ARHGDIB: variants seen among roughly 807,000 people sequenced by gnomAD.
ARHGDIB encodes the protein rho GDP-dissociation inhibitor 2.
In ARHGDIB, 20 loss-of-function variants were observed where a neutral mutation model predicts 22.6. That is an observed-to-expected ratio of 0.88 (90% CI 0.62 to 1.28). The LOEUF (loss-of-function observed/expected upper bound fraction) is 1.28. ARHGDIB is among the 50% of genes most tolerant of loss of function. The pLI is 0.00. For missense variants in ARHGDIB, 254 were observed against 245.4 expected, an observed-to-expected ratio of 1.04 and a Z score of -0.23; for synonymous variants, 114 against 96.1, an observed-to-expected ratio of 1.19 and a Z score of -1.09.
At chr12:14,948,100 G>GCA (rs56206040) in intron 3 of ARHGDIB, 151 bp from the exon 4 acceptor site, 23,844 of 434,660 alleles carry the variant, frequency 0.055, 730 homozygotes, top group African/African-American at 0.14. Flanking sequence ...TTTAGTCCTT[G>GCA]CACACACACA....
chr12:14,958,973 T>G (rs1326540585), intron 1 of ARHGDIB, among the ~76,000 whole-genome samples: 1 of 152,114 alleles, frequency 6.6e-6, no homozygotes, highest in Non-Finnish European at 1.5e-5. Context: ...GAATAAGAAC[T>G]CTCAAAATAT....
Position 14,942,460 on chromosome 12 carries a change from G to C in ARHGDIB, c.*62C>G. 1 of 1,569,416 alleles carries C rather than the reference G, an allele frequency of 6.4e-7. No individual in the cohort carries two copies. ...GCTGTGGACAGGGAGGAGGGACAGG[G>C]TGCTGAACACGCCTGAGAGAATTCT... On this transcript the variant is annotated 3_prime_UTR_variant, in exon 6 of 6. Transcript: ENST00000228945.
At position 14,950,695 on chromosome 12, in the gene ARHGDIB, T is replaced by G; in HGVS notation, c.18A>C (p.Pro6=). The G allele has an allele frequency of 6.2e-7, 1 of 1,609,002 alleles. No homozygotes were observed. The highest frequency in any genetic ancestry group is 8.5e-7 in the Non-Finnish European group (1 of 1,178,362). The change falls in exon 2 of 6, where the codon CCA becomes CCC. Residue 6 remains proline, a synonymous_variant. Transcript: ENST00000228945. MTEKA[P]EPHVEEDDDD... ...CGTCATCCTCCTCCACATGTGGCTC[T>G]GGGGCTTTTTCAGTCATTCTGATCT...
At chr12:14,954,510 A>G (rs887381501) in intron 1 of ARHGDIB, among the ~76,000 whole-genome samples, 1 of 152,206 alleles carries the variant, frequency 6.6e-6, no homozygotes, top group African/African-American at 2.4e-5. Flanking sequence ...TGCTCTCTTC[A>G]TTGAACTAGG....
rs543263653 is a variant in ARHGDIB at position 14,959,559 on chromosome 12, A to G, written c.-13+1978T>C. 4.6e-5 allele frequency among the ~76,000 whole-genome samples: 7 copies of G among 152,318 alleles called. No individual in the cohort carries two copies. In the South Asian group the frequency reaches 1.4e-3, roughly 32 times the overall value. Reference sequence around the variant, plus strand: ...ATGTTGGTTCTCCTTTTCTATCTGCATAATTTCGACTCCCCAGGGCTTCTC... The same window carrying G: ...ATGTTGGTTCTCCTTTTCTATCTGCGTAATTTCGACTCCCCAGGGCTTCTC... On this transcript the variant is annotated intron_variant, in intron 1 of 5. Transcript: ENST00000228945.
At chr12:14,950,468 C>T in intron 2 of ARHGDIB, 64 bp downstream of exon 2, 3 of 1,469,778 alleles carry the variant, frequency 2.0e-6, no homozygotes, top group South Asian at 1.3e-5. Flanking sequence ...TGCTCCTGAG[C>T]AGCCAAAATG....
At chr12:14,951,128 G>A (rs1406968219) in intron 1 of ARHGDIB, 3 of 157,462 alleles carry the variant, frequency 1.9e-5, no homozygotes, top group African/African-American at 4.8e-5. Context: ...AAAGCTTGCA[G>A]CATGCACAGT....
chr12:14,954,519 G>A (rs770465005), intron 1 of ARHGDIB, among the ~76,000 whole-genome samples: 4 of 152,168 alleles, frequency 2.6e-5, no homozygotes, highest in Non-Finnish European at 5.9e-5. Context: ...CATTGAACTA[G>A]GCCTTGTTAT....
chr12:14,955,934 C>T (rs995856799), intron 1 of ARHGDIB, among the ~76,000 whole-genome samples: 1 of 152,072 alleles, frequency 6.6e-6, no homozygotes, highest in African/African-American at 2.4e-5. Flanking sequence ...GTGCTAAGTG[C>T]TTTCTAGAGG....
At position 14,944,823 on chromosome 12, in the gene ARHGDIB, A is replaced by G. The variant is rs1863972250; in HGVS notation, c.359T>C (p.Val120Ala). Residue 120 changes from valine (V) to alanine (A), a missense_variant, in exon 5 of 6, where the codon GTG becomes GCG. Transcript: ENST00000228945. ...KIHFKVNRDI[V>A]SGLKYVQHTY... ...GTGCTGAACGTATTTCAGGCCTGAC[A>G]CAATATCCCTGTTCACCTGCAGGTG... 6.2e-7 allele frequency: 1 copy of G among 1,613,478 alleles called. No homozygotes were observed.
chr12:14,957,906 A>G (rs1245899366), intron 1 of ARHGDIB, among the ~76,000 whole-genome samples: 1 of 152,060 alleles, frequency 6.6e-6, no homozygotes, highest in Non-Finnish European at 1.5e-5. Flanking sequence ...GAGAGAGGGA[A>G]GAGAGAGAGA....
At chr12:14,955,155 C>A (rs1864272589) in intron 1 of ARHGDIB, among the ~76,000 whole-genome samples, 1 of 152,068 alleles carries the variant, frequency 6.6e-6, no homozygotes, top group African/African-American at 2.4e-5. Context: ...CACTTGTGAG[C>A]CAAAAACTCA....
chr12:14,949,213 TCTC>T (rs1331108795), intron 3 of ARHGDIB, among the ~76,000 whole-genome samples: 1 of 152,076 alleles, frequency 6.6e-6, no homozygotes, highest in East Asian at 1.9e-4. Flanking sequence ...TCCCAGTCTC[TCTC>T]CTCCTCAAGC....
chr12:14,954,030 G>A (rs1444052529), intron 1 of ARHGDIB, among the ~76,000 whole-genome samples: 1 of 150,926 alleles, frequency 6.6e-6, no homozygotes, highest in East Asian at 2.0e-4. Context: ...CCAGGCTGGA[G>A]TACAGTGGCT....
chr12:14,948,003 A>G, intron 3 of ARHGDIB, 54 bp from the exon 4 acceptor site: 1 of 1,484,078 alleles, frequency 6.7e-7, no homozygotes, highest in African/African-American at 1.4e-5. Context: ...ACACAAGTTA[A>G]TAAATGACTT....
chr12:14,946,673 C>T (rs1489154745), intron 4 of ARHGDIB, among the ~76,000 whole-genome samples: 1 of 152,182 alleles, frequency 6.6e-6, no homozygotes, highest in African/African-American at 2.4e-5. Flanking sequence ...CATTCCTCCT[C>T]CACCTCCCCA....
chr12:14,948,138 T>A (rs4764142), intron 3 of ARHGDIB, among the ~76,000 whole-genome samples, 189 bp from the exon 4 acceptor site: 3 of 147,968 alleles, frequency 2.0e-5, no homozygotes, highest in African/African-American at 7.6e-5. Context: ...ACACACACAC[T>A]TAATGCCTGA....
chr12:14,954,472 C>T (rs1354606566), intron 1 of ARHGDIB, among the ~76,000 whole-genome samples: 1 of 152,218 alleles, frequency 6.6e-6, no homozygotes, highest in Non-Finnish European at 1.5e-5. Context: ...AGGAGAATTC[C>T]GTGGTCATTC....
At chr12:14,947,193 A>G (rs1042575129) in intron 4 of ARHGDIB, among the ~76,000 whole-genome samples, 1 of 152,164 alleles carries the variant, frequency 6.6e-6, no homozygotes, top group Non-Finnish European at 1.5e-5. Flanking sequence ...TTTCTAACTT[A>G]TTTGTTTTCA....
Sources: gnomAD v4.1 joint callset for allele counts (sites outside exome capture counted in the v4.1 genomes callset) on GRCh38, gnomAD v4.1.1 for gene constraint, MANE v1.5 for transcripts, NCBI Gene and HGNC (gene_info 2026-07-23, HGNC 2026-07-21) for gene names.